MSS51: variants seen among roughly 807,000 people sequenced by gnomAD.
MSS51 encodes putative protein MSS51 homolog, mitochondrial.
A neutral mutation model predicts 40.2 loss-of-function variants in MSS51; 32 were observed. The observed-to-expected ratio is 0.80, with a 90% confidence interval of 0.60 to 1.07. The LOEUF (loss-of-function observed/expected upper bound fraction) is 1.07, where lower values mean the gene tolerates loss of function less well. Ranked by LOEUF, MSS51 falls within the 50% of genes least tolerant of loss-of-function variation. The pLI is 0.00. For missense variants in MSS51, 518 were observed against 568.9 expected, an observed-to-expected ratio of 0.91 and a Z score of 0.91; for synonymous variants, 178 against 214.2, an observed-to-expected ratio of 0.83 and a Z score of 1.48.
At chr10:73,428,356 G>A (rs2056005617) in intron 1 of MSS51, 55 bp from the exon 2 acceptor site, 1 of 1,355,066 alleles carries the variant, frequency 7.4e-7, no homozygotes, top group East Asian at 2.4e-5. Context: ...CTGGACACTT[G>A]TGAAGTATTT....
intron 1 of MSS51, among the ~76,000 whole-genome samples, chr10:73,433,059 A>G (rs1036240861): frequency 6.6e-6 from 1 of 152,146 alleles, no homozygotes; most frequent in African/African-American, 2.4e-5. Flanking sequence ...GTCCCAGTAT[A>G]AGAGAGAGAA....
rs767850129 is a variant in MSS51, at chr10:73,428,289, T to C, written c.-5A>G. Reference sequence around the variant, plus strand: ...TCGCCGGGACCGTGGAGCCATGGCCTGTCCAGTGATACCTGGAGATTATAT... The same window carrying C: ...TCGCCGGGACCGTGGAGCCATGGCCCGTCCAGTGATACCTGGAGATTATAT... On this transcript the variant is annotated 5_prime_UTR_variant, in exon 2 of 7. Transcript: ENST00000299432. The C allele has an allele frequency of 1.6e-5, 26 of 1,603,042 alleles. No homozygotes were observed. The highest frequency in any genetic ancestry group is 2.0e-5 in the Non-Finnish European group (24 of 1,173,944).
rs1038123995 is a variant in MSS51, at chr10:73,424,783, G to A, written c.1164-11C>T. 6.2e-7 allele frequency: 1 copy of A among 1,603,112 alleles called. No homozygotes were observed. The highest frequency in any genetic ancestry group is 1.1e-5 in the South Asian group (1 of 90,806). The stretch of plus-strand genomic sequence containing the variant: ...ACCAACTCCTGATGGCTGTAGAAGA[G>A]AGAGAAGAAAAATTACTCTACTGAT... On this transcript the variant is annotated splice_polypyrimidine_tract_variant and intron_variant, in intron 6 of 6. Transcript: ENST00000299432.
rs781541547 is a variant in MSS51, at chr10:73,426,661, G to T, written c.448C>A (p.Gln150Lys). ...TCCACAGCCACAAGACGAAGCTCTT[G>T]ACAAACCCTCCTGTGTGCGGGCCAG... ...SDWPAHRRVC[Q>K]ELRLVAVDRL... is the part of the protein sequence containing the mutation. Residue 150 changes from glutamine (Q) to lysine (K), a missense_variant, in exon 4 of 7, where the codon CAA becomes AAA. Transcript: ENST00000299432. 15 of 1,614,168 alleles carry T rather than the reference G, an allele frequency of 9.3e-6. 1 individual carries two copies. In the South Asian group the frequency reaches 1.6e-4, roughly 18 times the overall value.
intron 1 of MSS51, among the ~76,000 whole-genome samples, chr10:73,432,544 C>T (rs1379921352): frequency 6.6e-6 from 1 of 152,076 alleles, no homozygotes; most frequent in African/African-American, 2.4e-5. Flanking sequence ...TCCGCATTTC[C>T]AAGGTGAGGT....
At chr10:73,426,438 C>T in intron 4 of MSS51, 61 bp from the exon 5 acceptor site, 8 of 1,576,942 alleles carry the variant, frequency 5.1e-6, no homozygotes, top group Non-Finnish European at 6.9e-6. Context: ...ATTTCCCCCT[C>T]ACTAATGATC....
At chr10:73,431,025 C>T (rs193255097) in intron 1 of MSS51, among the ~76,000 whole-genome samples, 1 of 152,248 alleles carries the variant, frequency 6.6e-6, no homozygotes, top group Admixed American at 6.5e-5. Context: ...AAGCCAGACA[C>T]AAAATGTTGT....
chr10:73,429,682 A>C, intron 1 of MSS51: 1 of 456,334 alleles, frequency 2.2e-6, no homozygotes, highest in South Asian at 1.5e-5. Flanking sequence ...CATGCCTTCC[A>C]TAAGAGCTGA....
chr10:73,424,614 A>C lies in MSS51; in HGVS notation c.1322T>G (p.Leu441Arg). 6.2e-7 allele frequency: 1 copy of C among 1,614,176 alleles called. No homozygotes were observed. Among genetic ancestry groups the C allele is most frequent in the Non-Finnish European group, 8.5e-7 (1 of 1,180,024 alleles). Residue 441 changes from leucine (L) to arginine (R), a missense_variant, in exon 7 of 7, where the codon CTT becomes CGT. Leu to Arg is a moderately radical substitution (Grantham distance 102). Coordinates refer to ENST00000299432, the MANE Select transcript of MSS51 (RefSeq NM_001024593.2). ...VYCSAYYIMF[L>R]GSSCQLDNRQ... is the part of the protein sequence containing the mutation. ...ATTATCCAGCTGACAGGAGCTTCCA[A>C]GAAACATGATATAGTATGCACTGCA...
chr10:73,430,499 G>A (rs978671226), intron 1 of MSS51, among the ~76,000 whole-genome samples: 1 of 151,694 alleles, frequency 6.6e-6, no homozygotes, highest in Non-Finnish European at 1.5e-5. Flanking sequence ...ATATGCAAAT[G>A]GACAATAAAC....
intron 6 of MSS51, 144 bp downstream of exon 6, chr10:73,424,954 G>C: frequency 1.2e-6 from 1 of 812,960 alleles, no homozygotes; most frequent in South Asian, 1.6e-5. Flanking sequence ...GCAAAGGACT[G>C]TTCCAAGGGG....
chr10:73,430,342 A>C (rs1329305226), intron 1 of MSS51, among the ~76,000 whole-genome samples: 1 of 152,198 alleles, frequency 6.6e-6, no homozygotes, highest in African/African-American at 2.4e-5. Context: ...GAATGGAAGA[A>C]AATATTTGCA....
chr10:73,433,292 A>T (rs984187824), intron 1 of MSS51, among the ~76,000 whole-genome samples: 1 of 152,130 alleles, frequency 6.6e-6, no homozygotes, highest in Non-Finnish European at 1.5e-5. Context: ...TCACCAAAAA[A>T]TGCAAAACGT....
In MSS51 at chr10:73,424,536, G is replaced by C; in HGVS notation, c.*17C>G. On this transcript the variant is annotated 3_prime_UTR_variant, in exon 7 of 7. Coordinates refer to ENST00000299432, the MANE Select transcript of MSS51 (RefSeq NM_001024593.2). ...ATCACAAACTCCCCGTTTTCCAGAT[G>C]TCCAGTTATGATCTATTTAAATCCC... The C allele has an allele frequency of 6.3e-7, 1 of 1,585,906 alleles. No homozygotes were observed. Among genetic ancestry groups the C allele is most frequent in the Non-Finnish European group, 8.7e-7 (1 of 1,154,714 alleles).
Position 73,427,673 on chromosome 10 carries a change from G to A in MSS51, c.317C>T (p.Ala106Val). The A allele has an allele frequency of 6.2e-7, 1 of 1,614,214 alleles. No homozygotes were observed. Among genetic ancestry groups the A allele is most frequent in the Non-Finnish European group, 8.5e-7 (1 of 1,180,034 alleles). The change falls in exon 3 of 7, where the codon GCT becomes GTT. Residue 106 changes from alanine (A) to valine (V), a missense_variant. By Grantham distance (64) the Ala-to-Val change is moderately conservative (BLOSUM62 0). Transcript: ENST00000299432. Reference protein sequence around the residue: ...QRMEDTFRFCAHCRALPSGLS... With the variant: ...QRMEDTFRFCVHCRALPSGLS... ...CCCACTAGGGAGTGCTCTACAGTGAGCACAGAATCGAAATGTGTCTTCCAT... is the reference window on the plus strand; with the variant it reads ...CCCACTAGGGAGTGCTCTACAGTGAACACAGAATCGAAATGTGTCTTCCAT...
chr10:73,431,117 G>A (rs2056026209), intron 1 of MSS51, among the ~76,000 whole-genome samples: 2 of 152,176 alleles, frequency 1.3e-5, no homozygotes, highest in South Asian at 4.1e-4. Flanking sequence ...TAGTTGCTAA[G>A]GGCTGGGTGG....
rs768288894 is a variant in MSS51, at chr10:73,427,703, T to C, written c.287A>G (p.Gln96Arg). ...FGFRCPQEMF[Q>R]RMEDTFRFCA... ...GAATCGAAATGTGTCTTCCATCCTC[T>C]GGAACATTTCTTGAGGACATCGAAA... The change falls in exon 3 of 7, where the codon CAG becomes CGG. Residue 96 changes from glutamine (Q) to arginine (R), a missense_variant. Gln to Arg is a conservative substitution (Grantham distance 43). Coordinates refer to ENST00000299432, the MANE Select transcript of MSS51 (RefSeq NM_001024593.2). 1 of 1,614,218 alleles carries C rather than the reference T, an allele frequency of 6.2e-7. No homozygotes were observed. The highest frequency in any genetic ancestry group is 2.2e-5 in the East Asian group (1 of 44,886).
At chr10:73,425,033 G>C (rs1311981249) in intron 6 of MSS51, 65 bp downstream of exon 6, 1 of 1,293,306 alleles carries the variant, frequency 7.7e-7, no homozygotes, top group Non-Finnish European at 1.1e-6. Flanking sequence ...GGGCAAAAAT[G>C]AGCTCATCTA....
In MSS51 at chr10:73,426,054, A is replaced by G; in HGVS notation, c.826T>C (p.Phe276Leu). 6.2e-7 allele frequency: 1 copy of G among 1,614,178 alleles called. No individual in the cohort carries two copies. The highest frequency in any genetic ancestry group is 8.5e-7 in the Non-Finnish European group (1 of 1,180,020). Residue 276 changes from phenylalanine (F) to leucine (L), a missense_variant, in exon 5 of 7, where the codon TTT becomes CTT. By Grantham distance (22) the Phe-to-Leu change is conservative. Transcript: ENST00000299432. ...TCATAGTCCCCTGGGCGAGTAAGAA[A>G]TGTCTCCACATGGGAAGCACCAACC... ...HVVGASHVET[F>L]LTRPGDYDEL...
Sources: gnomAD v4.1 joint callset for allele counts (sites outside exome capture counted in the v4.1 genomes callset) on GRCh38, gnomAD v4.1.1 for gene constraint, MANE v1.5 for transcripts, NCBI Gene and HGNC (gene_info 2026-07-23, HGNC 2026-07-21) for gene names.